The following TMEM135 variants were observed in gnomAD, a reference collection of about 807,000 sequenced individuals.
The protein encoded by TMEM135 is peroxisomal membrane protein 52.
TMEM135 carries 30 observed loss-of-function variants against 60.3 expected under a neutral mutation model. The observed-to-expected ratio is 0.50, with a 90% CI of 0.37 to 0.68. TMEM135 has a LOEUF of 0.68. Ranked by LOEUF, TMEM135 falls within the 30% of genes least tolerant of loss-of-function variation. TMEM135 has a pLI of 0.00. For missense variants in TMEM135, 468 were observed against 548.8 expected, an observed-to-expected ratio of 0.85 and a Z score of 1.47; for synonymous variants, 190 against 186.7, an observed-to-expected ratio of 1.02 and a Z score of -0.14.
intron 4 of TMEM135, among the ~76,000 whole-genome samples, chr11:87,120,328 ACTC>A (rs988477838): frequency 6.7e-5 from 10 of 149,758 alleles, no homozygotes; most frequent in Middle Eastern, 3.5e-3. Flanking sequence ...GTGGTCTTGA[ACTC>A]CTGGACTTAA....
chr11:87,214,260 TA>T (rs1940447749), intron 5 of TMEM135, among the ~76,000 whole-genome samples: 2 of 152,308 alleles, frequency 1.3e-5, no homozygotes, highest in Admixed American at 1.3e-4. Flanking sequence ...CAAGGTAATG[TA>T]ATACTTCTGG....
At chr11:87,301,464 G>A (rs1221401346) in intron 7 of TMEM135, among the ~76,000 whole-genome samples, 2 of 152,044 alleles carry the variant, frequency 1.3e-5, no homozygotes, top group Non-Finnish European at 2.9e-5. Flanking sequence ...TTGGTGACCA[G>A]GCTGTTCTTG....
At chr11:87,279,526 A>T (rs1333402610) in intron 6 of TMEM135, among the ~76,000 whole-genome samples, 1 of 152,160 alleles carries the variant, frequency 6.6e-6, no homozygotes, top group Non-Finnish European at 1.5e-5. Context: ...TATTATTTGC[A>T]TTTTACAGGT....
chr11:87,145,639 T>C (rs1340315582), intron 4 of TMEM135, among the ~76,000 whole-genome samples: 2 of 152,168 alleles, frequency 1.3e-5, no homozygotes, highest in Admixed American at 1.3e-4. Context: ...TGTGAGATGA[T>C]ACATCATTGT....
chr11:87,161,927 G>A (rs893500275), intron 5 of TMEM135, among the ~76,000 whole-genome samples: 2 of 152,098 alleles, frequency 1.3e-5, no homozygotes, highest in African/African-American at 4.8e-5. Context: ...CATTGTTTTA[G>A]ATGCCTGTGA....
chr11:87,240,216 A>G (rs470527), intron 6 of TMEM135, among the ~76,000 whole-genome samples: 109,302 of 151,946 alleles, frequency 0.72, 39,789 homozygotes, highest in Non-Finnish European at 0.76. Flanking sequence ...AGGGAAGGTG[A>G]AATATATCCT....
chr11:87,191,991 T>TC (rs200153805), intron 5 of TMEM135, among the ~76,000 whole-genome samples: 6 of 134,972 alleles, frequency 4.4e-5, no homozygotes, highest in East Asian at 2.1e-4. Flanking sequence ...TCTTTTCTTT[T>TC]TTTTTTTTTT....
At chr11:87,060,867 C>T (rs955131729) in intron 1 of TMEM135, among the ~76,000 whole-genome samples, 5 of 152,156 alleles carry the variant, frequency 3.3e-5, no homozygotes, top group African/African-American at 1.2e-4. Flanking sequence ...TGGTCTCAAT[C>T]TCCTGACCTC....
chr11:87,287,557 A>T (rs1942189392), intron 6 of TMEM135, among the ~76,000 whole-genome samples: 1 of 152,168 alleles, frequency 6.6e-6, no homozygotes, highest in African/African-American at 2.4e-5. Flanking sequence ...GGTGCCTATA[A>T]TCCCAGCTAG....
intron 1 of TMEM135, among the ~76,000 whole-genome samples, chr11:87,040,561 C>G (rs770477320): frequency 2.0e-5 from 3 of 151,740 alleles, no homozygotes; most frequent in Non-Finnish European, 4.4e-5. Context: ...ACTCGGGAGG[C>G]TGAGGCAGGA....
intron 4 of TMEM135, among the ~76,000 whole-genome samples, chr11:87,134,880 G>C (rs1030578525): frequency 6.6e-6 from 1 of 152,098 alleles, no homozygotes; most frequent in African/African-American, 2.4e-5. Context: ...AGTTCTAGTT[G>C]CCCTACATCT....
At chr11:87,302,163 G>A in intron 7 of TMEM135, 133 bp from the exon 8 acceptor site, 1 of 957,862 alleles carries the variant, frequency 1.0e-6, no homozygotes, top group African/African-American at 1.7e-5. Context: ...TTGATTTTAT[G>A]TAAATTGTGA....
At chr11:87,214,420 T>C (rs1326633858) in intron 5 of TMEM135, among the ~76,000 whole-genome samples, 14 of 152,292 alleles carry the variant, frequency 9.2e-5, no homozygotes, top group Admixed American at 9.2e-4. Context: ...AATGGCAGGA[T>C]TAGTTGTAGG....
Position 87,128,788 on chromosome 11 carries a change from A to G in TMEM135, c.397-28553A>G, listed in dbSNP as rs1340218934. 3.3e-5 allele frequency among the ~76,000 whole-genome samples: 5 copies of G among 152,334 alleles called. No homozygotes were observed. The East Asian group carries it at 7.7e-4, about 23-fold the overall frequency. On this transcript the variant is annotated intron_variant, in intron 4 of 14. Transcript: ENST00000305494. ...TCTAACTGTATGTAGAAAATAGGAG[A>G]AACCAGCAAGAATATTTAGAGCAGC...
intron 5 of TMEM135, among the ~76,000 whole-genome samples, chr11:87,202,323 G>T (rs1214361821): frequency 5.3e-5 from 8 of 152,080 alleles, no homozygotes; most frequent in Non-Finnish European, 8.8e-5. Flanking sequence ...GCCATGCCCA[G>T]ACTGTTTTAT....
At chr11:87,181,777 A>G (rs117561522) in intron 5 of TMEM135, among the ~76,000 whole-genome samples, 3,394 of 152,242 alleles carry the variant, frequency 0.022, 59 homozygotes, top group Middle Eastern at 0.034. Flanking sequence ...TAAAAAAAGT[A>G]TTGAGAGCAG....
At chr11:87,268,456 A>G (rs976314406) in intron 6 of TMEM135, among the ~76,000 whole-genome samples, 2 of 151,918 alleles carry the variant, frequency 1.3e-5, no homozygotes, top group Admixed American at 1.3e-4. Flanking sequence ...GAATATTTAC[A>G]TGTCTTACTG....
Position 87,328,716 on chromosome 11 carries a change from T to C in TMEM135, c.*7383T>C, listed in dbSNP as rs1407516181. 6.6e-6 allele frequency: 3 copies of C among 454,140 alleles called. No homozygotes were observed. Among genetic ancestry groups the C allele is most frequent in the East Asian group, 1.4e-4 (2 of 14,398 alleles). The allele number at this position is 454,140 out of a possible 1,614,324, so 28.1% of individuals were successfully genotyped here. On this transcript the variant is annotated 3_prime_UTR_variant, in exon 15 of 15. Coordinates refer to ENST00000305494, the MANE Select transcript of TMEM135 (RefSeq NM_022918.4). ...TGGCTGAGTAGTATTCCATGGTGCA[T>C]ATATACCACATTTTCTTTATCCACT... is the stretch of plus-strand genomic sequence containing the variant.
chr11:87,131,633 A>G (rs993370634), intron 4 of TMEM135, among the ~76,000 whole-genome samples: 1 of 133,786 alleles, frequency 7.5e-6, no homozygotes, highest in African/African-American at 2.5e-5. Flanking sequence ...TGGACATAGA[A>G]TACCTGATTT....
Sources: allele counts gnomAD v4.1 joint callset (sites outside exome capture counted in the v4.1 genomes callset), GRCh38; gene constraint gnomAD v4.1.1; transcripts MANE v1.5; gene names NCBI Gene and HGNC (gene_info 2026-07-23, HGNC 2026-07-21).